Variants in ZNF407 observed in about 807,000 individuals in gnomAD.
ZNF407 encodes zinc finger protein 407.
ZNF407 carries 17 observed loss-of-function variants against 131.2 expected under a neutral mutation model. The ratio of observed to expected loss-of-function variants is 0.13; its 90% CI spans 0.09 to 0.19. The LOEUF (loss-of-function observed/expected upper bound fraction) is 0.19, where lower values mean the gene tolerates loss of function less well. ZNF407 is among the 10% of genes least tolerant of loss of function. The pLI, the probability that ZNF407 is intolerant of heterozygous loss-of-function variation, is 1.00. For missense variants in ZNF407, 2,681 were observed against 2,830.6 expected, an observed-to-expected ratio of 0.95 and a Z score of 1.20; for synonymous variants, 1,156 against 1,062.0, an observed-to-expected ratio of 1.09 and a Z score of -1.72.
intron 3 of ZNF407, among the ~76,000 whole-genome samples, chr18:74,779,570 C>G (rs948824299): frequency 6.6e-6 from 1 of 152,068 alleles, no homozygotes; most frequent in East Asian, 1.9e-4. Context: ...AGTATTAAAA[C>G]TTTTTCCATT....
rs1490289428 is a variant in ZNF407 at position 75,065,383 on chromosome 18, T to G, written c.*915T>G. On this transcript the variant is annotated 3_prime_UTR_variant, in exon 9 of 9. Transcript: ENST00000299687. ...TCTGTCCATATGAAAATGCTGACAT[T>G]AAACATTAACACATGGAGACCGTGC... 3 of 152,232 alleles carry G rather than the reference T, an allele frequency of 2.0e-5. No homozygotes were observed. In the East Asian group the frequency reaches 5.8e-4, roughly 29 times the overall value. 9.4% of individuals were successfully genotyped at this position (152,232 alleles called of 1,614,324 possible).
intron 8 of ZNF407, among the ~76,000 whole-genome samples, chr18:75,042,772 C>A (rs1273004615): frequency 6.6e-6 from 1 of 152,210 alleles, no homozygotes; most frequent in Non-Finnish European, 1.5e-5. Context: ...TTGGCTGTCC[C>A]TATAGTTTTG....
intron 1 of ZNF407, among the ~76,000 whole-genome samples, chr18:74,622,237 C>A (rs1983543209): frequency 1.3e-5 from 2 of 152,102 alleles, no homozygotes; most frequent in South Asian, 4.1e-4. Context: ...TACTAAGCTG[C>A]CTTTATGCAT....
At chr18:75,038,846 A>G (rs1474776434) in intron 8 of ZNF407, among the ~76,000 whole-genome samples, 1 of 152,252 alleles carries the variant, frequency 6.6e-6, no homozygotes, top group African/African-American at 2.4e-5. Context: ...AATCCTAAGC[A>G]GTTTTTACTG....
At chr18:74,677,547 A>G (rs565287443) in intron 3 of ZNF407, among the ~76,000 whole-genome samples, 71 of 151,608 alleles carry the variant, frequency 4.7e-4, no homozygotes, top group African/African-American at 1.6e-3. Flanking sequence ...TTTCCCCTCA[A>G]CTTCCTTTTG....
intron 1 of ZNF407, among the ~76,000 whole-genome samples, chr18:74,622,996 GTGTC>G (rs765685411): frequency 6.6e-6 from 1 of 151,838 alleles, no homozygotes. Flanking sequence ...GTGAGTCCGT[GTGTC>G]TGTTAGTCTG....
chr18:74,882,272 G>A (rs928325009), intron 6 of ZNF407, among the ~76,000 whole-genome samples: 1 of 152,034 alleles, frequency 6.6e-6, no homozygotes, highest in Non-Finnish European at 1.5e-5. Flanking sequence ...GCTAATTTAT[G>A]GTGGTTTCTT....
At chr18:74,901,657 C>T (rs535081375) in intron 7 of ZNF407, among the ~76,000 whole-genome samples, 4 of 138,882 alleles carry the variant, frequency 2.9e-5, no homozygotes, top group Non-Finnish European at 6.2e-5. Context: ...AATATATGGA[C>T]AATATCAGCA....
chr18:74,905,902 C>T (rs897480967), intron 7 of ZNF407: 2 of 152,182 alleles, frequency 1.3e-5, no homozygotes, highest in African/African-American at 4.8e-5. Flanking sequence ...TTTGTGATTA[C>T]CTCAGATTGC....
In ZNF407 at chr18:74,865,606, CACA is replaced by C. The variant is rs1432941631; in HGVS notation, c.4878-11590_4878-11588del. Among the ~76,000 whole-genome samples, 3 of 152,098 alleles carry C rather than the reference CACA, an allele frequency of 2.0e-5. No individual in the cohort carries two copies. In the South Asian group the frequency reaches 6.2e-4, roughly 32 times the overall value. On this transcript the variant is annotated intron_variant, in intron 4 of 8. Transcript: ENST00000299687. ...TACATAATAAATGATAATGTTATTC[CACA>C]TGGCCTTTTGTTGCAGGTATTGAAA...
At chr18:74,615,105 GCT>G (rs1983228633) in intron 1 of ZNF407, among the ~76,000 whole-genome samples, 1 of 152,236 alleles carries the variant, frequency 6.6e-6, no homozygotes, top group South Asian at 2.1e-4. Context: ...GAATGAGAAA[GCT>G]CAAAGACAGA....
At chr18:74,839,157 T>C (rs2145128914) in intron 4 of ZNF407, among the ~76,000 whole-genome samples, 1 of 152,356 alleles carries the variant, frequency 6.6e-6, no homozygotes, top group East Asian at 1.9e-4. Flanking sequence ...GTTTGGACTT[T>C]AATATTGTAT....
intron 4 of ZNF407, among the ~76,000 whole-genome samples, chr18:74,791,135 G>T (rs969556876): frequency 1.3e-5 from 2 of 152,064 alleles, no homozygotes; most frequent in Non-Finnish European, 2.9e-5. Flanking sequence ...TTGATCTTGT[G>T]GTCATCCTCA....
intron 3 of ZNF407, among the ~76,000 whole-genome samples, chr18:74,735,535 T>C (rs1968392614): frequency 6.6e-6 from 1 of 152,214 alleles, no homozygotes; most frequent in Admixed American, 6.5e-5. Flanking sequence ...ATGGACTGTT[T>C]CTGAGCAGAG....
chr18:74,608,904 G>C (rs917862441), intron 1 of ZNF407, among the ~76,000 whole-genome samples: 1 of 152,232 alleles, frequency 6.6e-6, no homozygotes, highest in Non-Finnish European at 1.5e-5. Context: ...AGGTGATGAC[G>C]TGTCAGGTTT....
At chr18:74,892,513 G>T (rs1013998716) in intron 7 of ZNF407, among the ~76,000 whole-genome samples, 2 of 152,172 alleles carry the variant, frequency 1.3e-5, no homozygotes, top group African/African-American at 4.8e-5. Context: ...TTTCATCAGG[G>T]TTTCAGGTTT....
At chr18:74,984,559 C>T (rs1972630612) in intron 8 of ZNF407, among the ~76,000 whole-genome samples, 1 of 152,140 alleles carries the variant, frequency 6.6e-6, no homozygotes, top group African/African-American at 2.4e-5. Flanking sequence ...AACATGATTT[C>T]AGTTCATTCT....
In ZNF407 at chr18:74,889,880, A is replaced by G. The variant is rs767678440; in HGVS notation, c.5129-38A>G. On this transcript the variant is annotated intron_variant, in intron 6 of 8. Transcript: ENST00000299687. ...GTTTATTCCTTCATTTCCAGTTGTT[A>G]TTATTATTCATCTGTAACATTTCTT... 8 of 1,566,348 alleles carry G rather than the reference A, an allele frequency of 5.1e-6. No homozygotes were observed. In the South Asian group the frequency reaches 5.9e-5, roughly 12 times the overall value.
intron 3 of ZNF407, among the ~76,000 whole-genome samples, chr18:74,722,540 C>G (rs1182954826): frequency 1.3e-5 from 2 of 152,080 alleles, no homozygotes; most frequent in Non-Finnish European, 1.5e-5. Context: ...GCCCTCACCC[C>G]AGATTTCTTC....
Sources: allele counts gnomAD v4.1 joint callset (sites outside exome capture counted in the v4.1 genomes callset), GRCh38; gene constraint gnomAD v4.1.1; transcripts MANE v1.5; gene names NCBI Gene and HGNC (gene_info 2026-07-23, HGNC 2026-07-21).